C22orf15: variants seen among roughly 807,000 people sequenced by gnomAD.
C22orf15 encodes the protein uncharacterized protein C22orf15.
Under a neutral mutation model 20.3 loss-of-function variants are expected in C22orf15, and 21 were observed. The ratio of observed to expected loss-of-function variants is 1.04; its 90% CI spans 0.74 to 1.49. The LOEUF (loss-of-function observed/expected upper bound fraction) is 1.49, where lower values mean the gene tolerates loss of function less well. Ranked by LOEUF, C22orf15 falls within the 40% of genes most tolerant of loss-of-function variation. The pLI is 0.00. For missense variants in C22orf15, 170 were observed against 191.1 expected (o/e 0.89, Z 0.65); for synonymous variants, 78 against 75.4 (o/e 1.03, Z -0.18).
chr22:23,765,651 G>A (rs979306480), intron 5 of C22orf15, 70 bp from the exon 6 acceptor site: 3 of 1,518,704 alleles, frequency 2.0e-6, no homozygotes, highest in Admixed American at 4.1e-5. Context: ...CCTCACTCTG[G>A]ACTGCCCAAG....
chr22:23,765,797 C>T lies in C22orf15; in HGVS notation c.*65C>T, dbSNP rs1326125145. 6.5e-7 allele frequency: 1 copy of T among 1,543,738 alleles called. No individual in the cohort carries two copies. Among genetic ancestry groups the T allele is most frequent in the South Asian group, 1.2e-5 (1 of 83,212 alleles). The stretch of plus-strand genomic sequence containing the variant: ...CCCCACCTCATCAGCCAGGGAGCTC[C>T]CTGAAGACAGGCCATCGAGAGAGGC... On this transcript the variant is annotated 3_prime_UTR_variant, in exon 6 of 6. Transcript: ENST00000402217.
chr22:23,764,842 G>A lies in C22orf15; in HGVS notation c.375G>A (p.Arg125=). The A allele has an allele frequency of 1.2e-6, 2 of 1,613,840 alleles. No homozygotes were observed. The highest frequency in any genetic ancestry group is 2.2e-5 in the East Asian group (1 of 44,888). The stretch of plus-strand genomic sequence containing the variant: ...TCTCCTCTGTGGGCCACAACTGGAG[G>A]AAGCGTATGGGCACTCGGCGAGGCC... The part of the protein sequence containing the change: ...SGLSSVGHNW[R]KRMGTRRGRH... Residue 125 remains arginine, a synonymous_variant, in exon 5 of 6, where the codon AGG becomes AGA. Transcript: ENST00000402217.
chr22:23,765,045 A>C, intron 5 of C22orf15, 143 bp downstream of exon 5: 3 of 1,485,200 alleles, frequency 2.0e-6, no homozygotes, highest in Non-Finnish European at 2.7e-6. Flanking sequence ...CTCAACACCA[A>C]CTCCACGCAC....
In C22orf15 at chr22:23,765,714, C is replaced by T. The variant is rs1482322444; in HGVS notation, c.436-7C>T. Reference sequence around the variant, plus strand: ...AGATTGCAACAGGGCTCCTCCTCCCCACCCAGGGCCCTGATTAAGGGGATG... The same window carrying T: ...AGATTGCAACAGGGCTCCTCCTCCCTACCCAGGGCCCTGATTAAGGGGATG... On this transcript the variant is annotated splice_region_variant and splice_polypyrimidine_tract_variant and intron_variant, in intron 5 of 5. Transcript: ENST00000402217. 1.3e-6 allele frequency: 2 copies of T among 1,549,640 alleles called. No individual in the cohort carries two copies. The highest frequency in any genetic ancestry group is 1.7e-6 in the Non-Finnish European group (2 of 1,145,904).
chr22:23,765,590 T>C (rs1445673958), intron 5 of C22orf15, 131 bp from the exon 6 acceptor site: 1 of 1,517,750 alleles, frequency 6.6e-7, no homozygotes, highest in African/African-American at 1.4e-5. Flanking sequence ...CATCCTGGGA[T>C]TCCACCCTCA....
chr22:23,764,498 T>C, intron 3 of C22orf15, 101 bp downstream of exon 3: 1 of 1,572,176 alleles, frequency 6.4e-7, no homozygotes, highest in Non-Finnish European at 8.8e-7. Context: ...GCCTCCCACC[T>C]CGGCTGGGGA....
chr22:23,763,902 T>C (rs1197470385), intron 1 of C22orf15, among the ~76,000 whole-genome samples, 185 bp from the exon 2 acceptor site: 1 of 152,098 alleles, frequency 6.6e-6, no homozygotes, highest in Non-Finnish European at 1.5e-5. Context: ...ACATGGGAGA[T>C]GGATGGAGGG....
Position 23,765,724 on chromosome 22 carries a change from C to T in C22orf15, c.439C>T (p.Pro147Ser). Residue 147 changes from proline (P) to serine (S), a missense_variant, in exon 6 of 6, where the codon CCT becomes TCT. Coordinates refer to ENST00000402217, the MANE Select transcript of C22orf15 (RefSeq NM_182520.3). ...AGGGCTCCTCCTCCCCACCCAGGGC[C>T]CTGATTAAGGGGATGGATTGCACAC... is the stretch of plus-strand genomic sequence containing the variant. ...QSPTSRPRKG[P>S]D 1 of 1,550,616 alleles carries T rather than the reference C, an allele frequency of 6.4e-7. No homozygotes were observed. Among genetic ancestry groups the T allele is most frequent in the Non-Finnish European group, 8.7e-7 (1 of 1,146,522 alleles).
intron 5 of C22orf15, chr22:23,765,484 G>C: frequency 6.4e-7 from 1 of 1,550,716 alleles, no homozygotes; most frequent in East Asian, 2.4e-5. Flanking sequence ...GGCCGCCAGG[G>C]GCACCTAAGC....
At position 23,765,763 on chromosome 22, in the gene C22orf15, C is replaced by T; in HGVS notation, c.*31C>T. ...TGGATTGCACACTGTAGTGAGACAT[C>T]CATCCTGACCCCACCTCATCAGCCA... On this transcript the variant is annotated 3_prime_UTR_variant, in exon 6 of 6. Transcript: ENST00000402217. The T allele has an allele frequency of 6.5e-7, 1 of 1,548,772 alleles. No individual in the cohort carries two copies. The highest frequency in any genetic ancestry group is 8.7e-7 in the Non-Finnish European group (1 of 1,145,200).
At position 23,764,634 on chromosome 22, in the gene C22orf15, C is replaced by T; in HGVS notation, c.251-5C>T. The stretch of plus-strand genomic sequence containing the variant: ...TGTCCTTCATCGTCTCTCCACATGT[C>T]ACAGAGGGAGAGGACATGGCCTCCA... On this transcript the variant is annotated splice_polypyrimidine_tract_variant and splice_region_variant and intron_variant, in intron 3 of 5. Coordinates refer to ENST00000402217, the MANE Select transcript of C22orf15 (RefSeq NM_182520.3). 6.2e-7 allele frequency: 1 copy of T among 1,613,976 alleles called. No individual in the cohort carries two copies. The highest frequency in any genetic ancestry group is 8.5e-7 in the Non-Finnish European group (1 of 1,179,820).
At chr22:23,764,422 C>T (rs756696554) in intron 3 of C22orf15, 25 bp downstream of exon 3, 2 of 1,585,246 alleles carry the variant, frequency 1.3e-6, no homozygotes, top group Non-Finnish European at 1.7e-6. Flanking sequence ...GGTTCTCTCC[C>T]CTGCAGCTAT....
chr22:23,765,420 T>C, intron 5 of C22orf15: 1 of 1,550,968 alleles, frequency 6.4e-7, no homozygotes, highest in Non-Finnish European at 8.7e-7. Context: ...TTGCAGAATC[T>C]GGAATTGCTG....
At chr22:23,765,690 G>T in intron 5 of C22orf15, 31 bp from the exon 6 acceptor site, 3 of 1,545,174 alleles carry the variant, frequency 1.9e-6, no homozygotes, top group Non-Finnish European at 2.6e-6. Context: ...CCACAGTGCA[G>T]ATTGCAACAG....
rs1926226201 is a variant in C22orf15, at chr22:23,764,172, T to C, written c.111T>C (p.Asp37=). Residue 37 remains aspartate (D), a splice_region_variant and synonymous_variant, in exon 2 of 6, where the codon GAT becomes GAC. Transcript: ENST00000402217. The part of the protein sequence containing the change: ...HLRQKAGLPP[D]ATIALLAEDG... ...GGCAGAAAGCAGGGTTGCCCCCAGATGGTGAGGAGACAGGGAGGAGAAGGA... is the reference window on the plus strand; with the variant it reads ...GGCAGAAAGCAGGGTTGCCCCCAGACGGTGAGGAGACAGGGAGGAGAAGGA... 1.3e-6 allele frequency: 2 copies of C among 1,551,478 alleles called. No homozygotes were observed. Among genetic ancestry groups the C allele is most frequent in the Admixed American group, 2.0e-5 (1 of 50,972 alleles).
chr22:23,765,347 T>C, intron 5 of C22orf15: 1 of 1,550,116 alleles, frequency 6.5e-7, no homozygotes, highest in African/African-American at 1.4e-5. Flanking sequence ...CCCAAGGGGG[T>C]TAGCCATGAC....
At position 23,765,061 on chromosome 22, in the gene C22orf15, C is replaced by T; in HGVS notation, c.435+159C>T. 7 of 1,468,016 alleles carry T rather than the reference C, an allele frequency of 4.8e-6. No homozygotes were observed. The South Asian group carries it at 8.4e-5, about 18-fold the overall frequency. The allele number at this position is 1,468,016 out of a possible 1,614,324, so 90.9% of individuals were successfully genotyped here. A position where few individuals can be genotyped will look rare whatever the true frequency, so the allele number is the denominator to read the frequency against. ...TCAACACCAACTCCACGCACATATA[C>T]CCCCAGATGGAACACACTGTACCCT... On this transcript the variant is annotated intron_variant, in intron 5 of 5. Coordinates refer to ENST00000402217, the MANE Select transcript of C22orf15 (RefSeq NM_182520.3).
Position 23,764,724 on chromosome 22 carries a change from G to C in C22orf15, c.325+11G>C. 6.2e-7 allele frequency: 1 copy of C among 1,614,188 alleles called. No homozygotes were observed. Among genetic ancestry groups the C allele is most frequent in the Non-Finnish European group, 8.5e-7 (1 of 1,180,020 alleles). On this transcript the variant is annotated intron_variant, in intron 4 of 5. Transcript: ENST00000402217. The stretch of plus-strand genomic sequence containing the variant: ...ACCCAGAGCTGGCAGGTGAGTGTCA[G>C]GGTACAGCCCAGGGGGAGGGCACAC...
Position 23,763,240 on chromosome 22 carries a change from T to C in C22orf15, c.-67T>C. 1.9e-6 allele frequency: 3 copies of C among 1,545,968 alleles called. No homozygotes were observed. The highest frequency in any genetic ancestry group is 2.6e-6 in the Non-Finnish European group (3 of 1,143,496). The stretch of plus-strand genomic sequence containing the variant: ...TGAAGCAGGTCTCTGCTCCACGCTT[T>C]TCCTTAGTTGGGGAATCGAGAGTTG... On this transcript the variant is annotated 5_prime_UTR_variant, in exon 1 of 6. Coordinates refer to ENST00000402217, the MANE Select transcript of C22orf15 (RefSeq NM_182520.3).
Sources: gnomAD v4.1 joint callset for allele counts (sites outside exome capture counted in the v4.1 genomes callset) on GRCh38, gnomAD v4.1.1 for gene constraint, MANE v1.5 for transcripts, NCBI Gene and HGNC (gene_info 2026-07-23, HGNC 2026-07-21) for gene names.